CDC14B: variants seen among roughly 807,000 people sequenced by gnomAD.
CDC14B encodes the protein cell division cycle 14B.
A neutral mutation model predicts 64.2 loss-of-function variants in CDC14B; 22 were observed. That is an observed-to-expected ratio of 0.34 (90% CI 0.24 to 0.49). The LOEUF is 0.49. Ranked by LOEUF, CDC14B falls within the 20% of genes least tolerant of loss-of-function variation. The pLI is 0.99. For synonymous variants in CDC14B, 191 were observed against 215.8 expected, an observed-to-expected ratio of 0.89 and a Z score of 1.01; for missense variants, 498 against 629.9, an observed-to-expected ratio of 0.79 and a Z score of 2.24.
At chr9:96,556,589 CATATATATAATG>C (rs1225323249) in intron 4 of CDC14B, among the ~76,000 whole-genome samples, 2 of 152,000 alleles carry the variant, frequency 1.3e-5, no homozygotes, top group East Asian at 1.9e-4. Context: ...ATTACTTTTA[CATATATATAATG>C]ATATATATAA....
At chr9:96,573,581 A>C (rs1214455089) in intron 1 of CDC14B, among the ~76,000 whole-genome samples, 2 of 152,234 alleles carry the variant, frequency 1.3e-5, no homozygotes, top group African/African-American at 4.8e-5. Context: ...AATTCGAATC[A>C]AAATCTCAAC....
At chr9:96,495,269 T>C (rs1346244210), downstream of CDC14B, among the ~76,000 whole-genome samples, 1 of 152,184 alleles carries the variant, frequency 6.6e-6, no homozygotes, top group African/African-American at 2.4e-5. Context: ...AGGAGGCTTC[T>C]GAGAGTCTCA....
rs149448952 is a variant in CDC14B, at chr9:96,603,060, C to T, written c.160+16159G>A. Among the ~76,000 whole-genome samples, 9 of 151,646 alleles carry T rather than the reference C, an allele frequency of 5.9e-5. No individual in the cohort carries two copies. The East Asian group carries it at 1.7e-3, about 29-fold the overall frequency. On this transcript the variant is annotated intron_variant, in intron 1 of 13. Coordinates refer to ENST00000375241, the MANE Select transcript of CDC14B (RefSeq NM_033331.4). ...TAAGATCTTCCATCTCCCTTTGTTC[C>T]AATTCTGTGCTCATTGAGTAACCTA...
intron 8 of CDC14B, 76 bp from the exon 9 acceptor site, chr9:96,534,233 C>A: frequency 1.1e-6 from 1 of 900,710 alleles, no homozygotes; most frequent in East Asian, 2.6e-5. Flanking sequence ...TGTAACTGAA[C>A]GGAAACAGTA....
intron 13 of CDC14B, among the ~76,000 whole-genome samples, chr9:96,509,302 AT>A (rs1315094800): frequency 2.0e-5 from 3 of 152,140 alleles, no homozygotes; most frequent in Non-Finnish European, 2.9e-5. Flanking sequence ...TGGTTATCTC[AT>A]TTCTACCATC....
At chr9:96,605,043 C>T (rs1226436938) in intron 1 of CDC14B, among the ~76,000 whole-genome samples, 1 of 152,100 alleles carries the variant, frequency 6.6e-6, no homozygotes, top group Non-Finnish European at 1.5e-5. Flanking sequence ...CTGTCACATG[C>T]ATATGCTTTC....
chr9:96,546,502 T>G (rs1485360017), intron 5 of CDC14B, among the ~76,000 whole-genome samples: 1 of 149,764 alleles, frequency 6.7e-6, no homozygotes, highest in Non-Finnish European at 1.5e-5. Context: ...CAGGCTGGAG[T>G]GCAATGACAC....
At chr9:96,604,100 A>C (rs1846691193) in intron 1 of CDC14B, among the ~76,000 whole-genome samples, 1 of 152,110 alleles carries the variant, frequency 6.6e-6, no homozygotes, top group African/African-American at 2.4e-5. Context: ...CTCTGTGGAG[A>C]TCCATTCCTG....
intron 12 of CDC14B, among the ~76,000 whole-genome samples, chr9:96,521,135 T>G (rs1269026954): frequency 6.6e-6 from 1 of 152,214 alleles, no homozygotes; most frequent in Non-Finnish European, 1.5e-5. Flanking sequence ...AATGGCACGA[T>G]CTCGGCTCAA....
chr9:96,533,306 C>T (rs1838779705), intron 9 of CDC14B, among the ~76,000 whole-genome samples: 1 of 152,188 alleles, frequency 6.6e-6, no homozygotes, highest in Non-Finnish European at 1.5e-5. Flanking sequence ...CTATACTTTC[C>T]TGTTTCTTTG....
intron 4 of CDC14B, among the ~76,000 whole-genome samples, chr9:96,555,719 A>G (rs2132131017): frequency 6.6e-6 from 1 of 152,328 alleles, no homozygotes; most frequent in Non-Finnish European, 1.5e-5. Flanking sequence ...GAACGAGCAA[A>G]TATCACACAA....
At chr9:96,522,060 C>T (rs1836819241) in intron 12 of CDC14B, among the ~76,000 whole-genome samples, 1 of 152,128 alleles carries the variant, frequency 6.6e-6, no homozygotes, top group African/African-American at 2.4e-5. Flanking sequence ...AACGAAAAAC[C>T]CAAAATATAG....
intron 1 of CDC14B, among the ~76,000 whole-genome samples, chr9:96,582,558 G>C (rs1381070794): frequency 1.3e-5 from 2 of 152,210 alleles, no homozygotes; most frequent in African/African-American, 4.8e-5. Flanking sequence ...CAGTAGGGTG[G>C]ATGCGTCAAG....
intron 4 of CDC14B, among the ~76,000 whole-genome samples, chr9:96,554,278 A>G (rs1024330776): frequency 6.6e-6 from 1 of 152,232 alleles, no homozygotes; most frequent in Non-Finnish European, 1.5e-5. Context: ...TCTGTGTACT[A>G]AAATGAAATC....
intron 5 of CDC14B, among the ~76,000 whole-genome samples, chr9:96,549,767 T>C (rs1841535924): frequency 6.6e-6 from 1 of 152,208 alleles, no homozygotes; most frequent in Non-Finnish European, 1.5e-5. Context: ...TAGCTAAGTC[T>C]TGCCTTTTGG....
intron 13 of CDC14B, among the ~76,000 whole-genome samples, chr9:96,493,933 T>C (rs7849634): frequency 0.24 from 36,671 of 152,196 alleles, 5,656 homozygotes; most frequent in African/African-American, 0.44. Context: ...TCGCGCTGCC[T>C]CCAGGCGCTC....
intron 7 of CDC14B, among the ~76,000 whole-genome samples, chr9:96,536,874 G>C (rs745512703): frequency 9.2e-5 from 14 of 152,034 alleles, no homozygotes; most frequent in Non-Finnish European, 1.3e-4. Context: ...CTATTTGGAG[G>C]ATAAAGCTGT....
chr9:96,551,068 C>T (rs1841732362), intron 5 of CDC14B, among the ~76,000 whole-genome samples: 1 of 148,474 alleles, frequency 6.7e-6, no homozygotes, highest in Non-Finnish European at 1.5e-5. Context: ...AGTACAATAA[C>T]CCAGGATTCT....
At chr9:96,557,122 C>T (rs1400459337) in intron 4 of CDC14B, among the ~76,000 whole-genome samples, 2 of 152,246 alleles carry the variant, frequency 1.3e-5, no homozygotes, top group East Asian at 3.8e-4. Flanking sequence ...AGTGGAAACG[C>T]CCGTCAGAAG....
Sources: allele counts gnomAD v4.1 joint callset (sites outside exome capture counted in the v4.1 genomes callset), GRCh38; gene constraint gnomAD v4.1.1; transcripts MANE v1.5; gene names NCBI Gene and HGNC (gene_info 2026-07-23, HGNC 2026-07-21).